TAF1B: variants seen among roughly 807,000 people sequenced by gnomAD.
The protein encoded by TAF1B is TATA box-binding protein-associated factor RNA polymerase I subunit B.
A neutral mutation model predicts 83.9 loss-of-function variants in TAF1B; 61 were observed. That is an observed-to-expected ratio of 0.73 (90% CI 0.59 to 0.90). The LOEUF is 0.90. Among genes scored for constraint, TAF1B ranks in the 40% least tolerant of loss-of-function variants. The probability of loss-of-function intolerance (pLI) is 0.00; values close to 1 mark genes in which losing one functional copy is unlikely to be tolerated. For missense variants in TAF1B, 625 were observed against 677.0 expected, an observed-to-expected ratio of 0.92 and a Z score of 0.85; for synonymous variants, 221 against 224.6, an observed-to-expected ratio of 0.98 and a Z score of 0.14.
At chr2:9,920,380 G>C (rs963622076) in intron 14 of TAF1B, among the ~76,000 whole-genome samples, 4 of 152,138 alleles carry the variant, frequency 2.6e-5, no homozygotes, top group Non-Finnish European at 5.9e-5. Context: ...CCTTTAATCT[G>C]ATTGTCCCTC....
At chr2:9,918,611 A>G (rs1665773981) in intron 12 of TAF1B, among the ~76,000 whole-genome samples, 1 of 152,212 alleles carries the variant, frequency 6.6e-6, no homozygotes, top group Non-Finnish European at 1.5e-5. Flanking sequence ...AGAGAGACGC[A>G]TTTACTGTTC....
At chr2:9,881,771 G>A (rs1161086695) in intron 7 of TAF1B, among the ~76,000 whole-genome samples, 2 of 152,160 alleles carry the variant, frequency 1.3e-5, no homozygotes, top group Non-Finnish European at 2.9e-5. Context: ...GTCTATTTAT[G>A]TGTATGTGTT....
intron 5 of TAF1B, among the ~76,000 whole-genome samples, chr2:9,865,460 A>G (rs920339676): frequency 1.3e-5 from 2 of 152,158 alleles, no homozygotes; most frequent in African/African-American, 2.4e-5. Context: ...CAAATGGAAG[A>G]ACATTCCATG....
At chr2:9,879,698 A>G (rs1257659089) in intron 7 of TAF1B, among the ~76,000 whole-genome samples, 1 of 152,194 alleles carries the variant, frequency 6.6e-6, no homozygotes, top group Non-Finnish European at 1.5e-5. Flanking sequence ...GAGTAGGAGG[A>G]TGAGAGTGAA....
rs750038865 is a variant in TAF1B, at chr2:9,851,949, G to A, written c.303+311G>A. 296 of 514,648 alleles carry A rather than the reference G, an allele frequency of 5.8e-4. 2 individuals carry two copies. The Middle Eastern group carries it at 0.02, about 35-fold the overall frequency. The allele number at this position is 514,648 out of a possible 1,614,324, so 31.9% of individuals were successfully genotyped here. Reference sequence around the variant, plus strand: ...TTATTAGTACCTTTTGTGTGTTAATGTGCTTGTTTAATTTCCAGGGAATGT... The same window carrying A: ...TTATTAGTACCTTTTGTGTGTTAATATGCTTGTTTAATTTCCAGGGAATGT... On this transcript the variant is annotated intron_variant, in intron 4 of 14. Coordinates refer to ENST00000263663, the MANE Select transcript of TAF1B (RefSeq NM_005680.3).
In TAF1B at chr2:9,882,750, A is replaced by T. The variant is rs186506722; in HGVS notation, c.752A>T (p.His251Leu). Residue 251 changes from histidine (H) to leucine (L), a missense_variant, in exon 8 of 15, where the codon CAT becomes CTT. Physicochemically the swap from His to Leu is moderately conservative, Grantham distance 99 (BLOSUM62 -3). Coordinates refer to ENST00000263663, the MANE Select transcript of TAF1B (RefSeq NM_005680.3). ...ATTCCTTACATAAATGCTTTTCAGC[A>T]TTTTCCAGAACAGATGAAATTATAT... Reference protein sequence around the residue: ...DHIPYINAFQHFPEQMKLYGR... With the variant: ...DHIPYINAFQLFPEQMKLYGR... 19 of 1,611,478 alleles carry T rather than the reference A, an allele frequency of 1.2e-5. No individual in the cohort carries two copies. Among genetic ancestry groups the T allele is most frequent in the Admixed American group, 1.0e-4 (6 of 59,750 alleles).
chr2:9,853,184 G>C (rs190893187), intron 4 of TAF1B, among the ~76,000 whole-genome samples: 38 of 152,264 alleles, frequency 2.5e-4, no homozygotes, highest in African/African-American at 8.7e-4. Flanking sequence ...CACCTCATTA[G>C]GGGTTAATTC....
intron 5 of TAF1B, among the ~76,000 whole-genome samples, chr2:9,858,413 G>C (rs760528253): frequency 6.6e-6 from 1 of 152,200 alleles, no homozygotes; most frequent in Non-Finnish European, 1.5e-5. Context: ...TTGAGTGTCT[G>C]GCTTTCCAAG....
intron 5 of TAF1B, among the ~76,000 whole-genome samples, chr2:9,864,730 G>T (rs1371062087): frequency 6.6e-6 from 1 of 152,066 alleles, no homozygotes; most frequent in Non-Finnish European, 1.5e-5. Flanking sequence ...ACATCAAAAA[G>T]CTTATCCACC....
chr2:9,846,038 T>C (rs1429007150), intron 2 of TAF1B: 1 of 469,100 alleles, frequency 2.1e-6, no homozygotes, highest in East Asian at 7.0e-5. Context: ...TTCTTCGTTA[T>C]CCTTTTACCT....
At chr2:9,891,604 GGCAGGT>G (rs1294386285) in intron 8 of TAF1B, among the ~76,000 whole-genome samples, 7 of 152,140 alleles carry the variant, frequency 4.6e-5, no homozygotes, top group African/African-American at 1.7e-4. Context: ...AACAGCCTCA[GGCAGGT>G]TCCGTAGGAG....
At chr2:9,845,557 G>A (rs1663179986) in intron 2 of TAF1B, 8 of 388,122 alleles carry the variant, frequency 2.1e-5, no homozygotes, top group South Asian at 1.6e-4. Context: ...CTTATTCAGA[G>A]TATGTGGTTG....
At chr2:9,869,212 A>AT (rs138024854) in intron 6 of TAF1B, among the ~76,000 whole-genome samples, 1,559 of 150,892 alleles carry the variant, frequency 0.01, 35 homozygotes, top group African/African-American at 0.035. Flanking sequence ...TTGTTTGCTT[A>AT]TTTTTTTTTG....
chr2:9,898,616 G>C (rs1010475708), intron 8 of TAF1B, among the ~76,000 whole-genome samples: 1 of 152,174 alleles, frequency 6.6e-6, no homozygotes, highest in African/African-American at 2.4e-5. Flanking sequence ...TCCTCTCTCT[G>C]TAAGTCATTG....
chr2:9,901,352 G>C (rs1029157487), intron 8 of TAF1B, among the ~76,000 whole-genome samples: 1 of 139,444 alleles, frequency 7.2e-6, no homozygotes, highest in African/African-American at 2.5e-5. Context: ...AGGTAGATAT[G>C]CACACTTAAT....
intron 5 of TAF1B, among the ~76,000 whole-genome samples, chr2:9,855,920 A>G (rs541313416): frequency 6.6e-6 from 1 of 152,216 alleles, no homozygotes; most frequent in Non-Finnish European, 1.5e-5. Flanking sequence ...GACTTTGTGC[A>G]TATTGCTTGC....
At chr2:9,930,611 T>G (rs1412998762) in intron 14 of TAF1B, among the ~76,000 whole-genome samples, 1 of 152,212 alleles carries the variant, frequency 6.6e-6, no homozygotes, top group Non-Finnish European at 1.5e-5. Flanking sequence ...GGAGTAAGTG[T>G]GATGTGGTGC....
chr2:9,912,702 C>T (rs1188728489), intron 11 of TAF1B, among the ~76,000 whole-genome samples: 1 of 152,170 alleles, frequency 6.6e-6, no homozygotes, highest in Non-Finnish European at 1.5e-5. Flanking sequence ...ATCACCATCC[C>T]CTGCCCCCAG....
chr2:9,900,161 G>T (rs1183603356), intron 8 of TAF1B, among the ~76,000 whole-genome samples: 1 of 152,198 alleles, frequency 6.6e-6, no homozygotes, highest in Non-Finnish European at 1.5e-5. Context: ...TCTCAGACAG[G>T]CAGGAGCTTA....
Sources: gnomAD v4.1 joint callset for allele counts (sites outside exome capture counted in the v4.1 genomes callset) on GRCh38, gnomAD v4.1.1 for gene constraint, MANE v1.5 for transcripts, NCBI Gene and HGNC (gene_info 2026-07-23, HGNC 2026-07-21) for gene names.